CCBE1: variants seen among roughly 807,000 people sequenced by gnomAD.
CCBE1 encodes collagen and calcium-binding EGF domain-containing protein 1.
CCBE1 carries 37 observed loss-of-function variants against 50.0 expected under a neutral mutation model. The ratio of observed to expected loss-of-function variants is 0.74; its 90% CI spans 0.57 to 0.97. The LOEUF (loss-of-function observed/expected upper bound fraction) is 0.97, where lower values mean the gene tolerates loss of function less well. Among genes scored for constraint, CCBE1 ranks in the 50% least tolerant of loss-of-function variants. CCBE1 has a pLI of 0.00. For missense variants in CCBE1, 538 were observed against 523.8 expected (o/e 1.03, Z -0.26); for synonymous variants, 234 against 203.7 (o/e 1.15, Z -1.27).
chr18:59,595,446 T>C (rs907131724), intron 2 of CCBE1, among the ~76,000 whole-genome samples: 1 of 152,140 alleles, frequency 6.6e-6, no homozygotes, highest in Admixed American at 6.5e-5. Flanking sequence ...TGTGTCCCTA[T>C]CAAGATTAAC....
intron 2 of CCBE1, among the ~76,000 whole-genome samples, chr18:59,633,831 A>C (rs998512691): frequency 6.6e-6 from 1 of 152,186 alleles, no homozygotes; most frequent in African/African-American, 2.4e-5. Flanking sequence ...GCACCCAAAC[A>C]TAAGTGACAA....
chr18:59,556,956 T>C (rs1560299), intron 2 of CCBE1, among the ~76,000 whole-genome samples: 73,586 of 152,102 alleles, frequency 0.48, 18,569 homozygotes, highest in Non-Finnish European at 0.57. Flanking sequence ...TGTTTCACAT[T>C]AGTGCTGGCC....
chr18:59,632,988 T>C (rs1469491), intron 2 of CCBE1, among the ~76,000 whole-genome samples: 15,924 of 152,094 alleles, frequency 0.1, 872 homozygotes, highest in East Asian at 0.15. Flanking sequence ...GGCATTCCCT[T>C]CTGAGACTAA....
chr18:59,632,431 G>A (rs1007302030), intron 2 of CCBE1, among the ~76,000 whole-genome samples: 8 of 152,028 alleles, frequency 5.3e-5, no homozygotes, highest in African/African-American at 1.7e-4. Flanking sequence ...CCGCCACCAT[G>A]CCTGGCTAAT....
At chr18:59,517,923 T>A (rs1914442917) in intron 2 of CCBE1, among the ~76,000 whole-genome samples, 1 of 152,222 alleles carries the variant, frequency 6.6e-6, no homozygotes, top group South Asian at 2.1e-4. Flanking sequence ...CACAAGATCA[T>A]TATGTCCAGA....
At chr18:59,645,126 C>T (rs577289609) in intron 2 of CCBE1, among the ~76,000 whole-genome samples, 30 of 152,092 alleles carry the variant, frequency 2.0e-4, no homozygotes, top group Admixed American at 7.9e-4. Context: ...TGGTGGCACA[C>T]GCCTGTAATC....
intron 2 of CCBE1, among the ~76,000 whole-genome samples, chr18:59,587,737 AAAAT>A (rs2053198116): frequency 6.6e-6 from 1 of 152,252 alleles, no homozygotes; most frequent in Non-Finnish European, 1.5e-5. Context: ...ATATGAAAGA[AAAAT>A]AAAATTTATC....
intron 2 of CCBE1, among the ~76,000 whole-genome samples, chr18:59,501,680 A>T (rs1297609757): frequency 6.6e-6 from 1 of 152,184 alleles, no homozygotes; most frequent in East Asian, 1.9e-4. Context: ...TATTTTAGGA[A>T]AACTAAAGAT....
intron 2 of CCBE1, among the ~76,000 whole-genome samples, chr18:59,557,732 G>A (rs530371054): frequency 6.6e-6 from 1 of 152,268 alleles, no homozygotes; most frequent in East Asian, 1.9e-4. Context: ...TGTAACCAGT[G>A]CTCAAGCCAC....
chr18:59,685,798 T>A (rs186984719), intron 2 of CCBE1: 43 of 152,336 alleles, frequency 2.8e-4, no homozygotes, highest in African/African-American at 1.0e-3. Context: ...CATTCTGTTG[T>A]TATAGTGATA....
intron 2 of CCBE1, among the ~76,000 whole-genome samples, chr18:59,520,034 A>C (rs1914533622): frequency 6.6e-6 from 1 of 151,964 alleles, no homozygotes; most frequent in Non-Finnish European, 1.5e-5. Flanking sequence ...TTGTCTATAT[A>C]TCTGTTTTGG....
intron 2 of CCBE1, among the ~76,000 whole-genome samples, chr18:59,674,356 A>C (rs1476654164): frequency 6.6e-6 from 1 of 152,204 alleles, no homozygotes; most frequent in African/African-American, 2.4e-5. Flanking sequence ...ATTCTCAGCA[A>C]ACTAAGACAG....
At chr18:59,639,597 CCT>C (rs1302164145) in intron 2 of CCBE1, among the ~76,000 whole-genome samples, 1 of 152,116 alleles carries the variant, frequency 6.6e-6, no homozygotes, top group African/African-American at 2.4e-5. Context: ...ACAAAGACGC[CCT>C]CTCTCACCAC....
At chr18:59,549,267 T>TA (rs1015725224) in intron 2 of CCBE1, among the ~76,000 whole-genome samples, 4 of 152,270 alleles carry the variant, frequency 2.6e-5, no homozygotes, top group South Asian at 2.1e-4. Flanking sequence ...GTAACATTGG[T>TA]AAAAAATAAT....
intron 2 of CCBE1, among the ~76,000 whole-genome samples, chr18:59,629,257 C>T (rs182106048): frequency 2.0e-5 from 3 of 152,278 alleles, no homozygotes; most frequent in African/African-American, 7.2e-5. Flanking sequence ...GAATCATCTT[C>T]CCCCAGGTAT....
intron 2 of CCBE1, among the ~76,000 whole-genome samples, chr18:59,515,718 G>A (rs1001449182): frequency 6.6e-6 from 1 of 152,148 alleles, no homozygotes; most frequent in Non-Finnish European, 1.5e-5. Context: ...AGATAGGCAG[G>A]GGAGGAGGCA....
At chr18:59,472,288 G>A (rs917521318) in intron 3 of CCBE1, among the ~76,000 whole-genome samples, 2 of 152,194 alleles carry the variant, frequency 1.3e-5, no homozygotes, top group Non-Finnish European at 2.9e-5. Flanking sequence ...GCTGCTTCCT[G>A]CAGTTGTTAC....
intron 2 of CCBE1, among the ~76,000 whole-genome samples, chr18:59,616,244 T>A (rs988704968): frequency 6.6e-6 from 1 of 152,050 alleles, no homozygotes; most frequent in African/African-American, 2.4e-5. Context: ...ATGACCGCTT[T>A]AGGGAATGCT....
chr18:59,622,566 G>A lies in CCBE1; in HGVS notation c.212+74063C>T, dbSNP rs2053726894. Among the ~76,000 whole-genome samples the A allele has an allele frequency of 2.0e-5, 3 of 151,582 alleles. 1 individual carries two copies. Among genetic ancestry groups the A allele is most frequent in the Admixed American group, 2.0e-4 (3 of 15,210 alleles). On this transcript the variant is annotated intron_variant, in intron 2 of 10. Coordinates refer to ENST00000439986, the MANE Select transcript of CCBE1 (RefSeq NM_133459.4). Reference sequence around the variant, plus strand: ...ACCTGTAATCCCAGCACTTTGGGAGGCTGAGGCAGGTAGATCACGAGGTCA... The same window carrying A: ...ACCTGTAATCCCAGCACTTTGGGAGACTGAGGCAGGTAGATCACGAGGTCA...
Sources: gnomAD v4.1 joint callset for allele counts (sites outside exome capture counted in the v4.1 genomes callset) on GRCh38, gnomAD v4.1.1 for gene constraint, MANE v1.5 for transcripts, NCBI Gene and HGNC (gene_info 2026-07-23, HGNC 2026-07-21) for gene names.